Variants in BBS2 observed in about 807,000 individuals in gnomAD.
BBS2 encodes the protein BBSome complex member BBS2.
A neutral mutation model predicts 83.0 loss-of-function variants in BBS2; 62 were observed. The ratio of observed to expected loss-of-function variants is 0.75; its 90% CI spans 0.61 to 0.92. The LOEUF is 0.92. BBS2 is among the 40% of genes least tolerant of loss of function. The pLI, the probability that BBS2 is intolerant of heterozygous loss-of-function variation, is 0.00. For missense variants in BBS2, 784 were observed against 901.0 expected (o/e 0.87, Z 1.66); for synonymous variants, 303 against 326.1 (o/e 0.93, Z 0.76).
At position 56,519,672 on chromosome 16, in the gene BBS2, G is replaced by T. The variant is rs558341798; in HGVS notation, c.117+74C>A. On this transcript the variant is annotated intron_variant, in intron 1 of 16. Transcript: ENST00000245157. The stretch of plus-strand genomic sequence containing the variant: ...GGGGGCGGGGTCGGAGAGGGGACGG[G>T]ATCCCAGGGGCGCGGCCGGCGGAGA... 1.7e-3 allele frequency: 2,189 copies of T among 1,263,154 alleles called. 39 individuals carry two copies. In the South Asian group the frequency reaches 0.026, roughly 15 times the overall value. 78.2% of individuals were successfully genotyped at this position (1,263,154 alleles called of 1,614,324 possible).
downstream of BBS2, among the ~76,000 whole-genome samples, chr16:56,480,106 T>C (rs1320989343): frequency 2.6e-5 from 4 of 152,134 alleles, no homozygotes; most frequent in Non-Finnish European, 5.9e-5. Flanking sequence ...TTTGCATCTT[T>C]GAATAAGAAG....
intron 13 of BBS2, 79 bp from the exon 14 acceptor site, chr16:56,497,959 CA>C: frequency 6.8e-7 from 1 of 1,463,322 alleles, no homozygotes; most frequent in Non-Finnish European, 9.4e-7. Context: ...TGAATTTCCC[CA>C]TACTCAACAA....
rs1964872830 is a variant in BBS2, at chr16:56,519,896, C to A, written c.-34G>T. ...CGGCTTAGGGGAGGAGGGCTGGAAG[C>A]TGGAGACAAGCGCAGCGGAGCTGGC... On this transcript the variant is annotated 5_prime_UTR_variant, in exon 1 of 17. Transcript: ENST00000245157. 1 of 1,568,898 alleles carries A rather than the reference C, an allele frequency of 6.4e-7. No individual in the cohort carries two copies. The highest frequency in any genetic ancestry group is 8.8e-7 in the Non-Finnish European group (1 of 1,139,468).
intron 4 of BBS2, among the ~76,000 whole-genome samples, 175 bp from the exon 5 acceptor site, chr16:56,510,209 C>G (rs1306818143): frequency 6.6e-6 from 1 of 152,186 alleles, no homozygotes. Flanking sequence ...TCAGCAGATT[C>G]AATCAATGAA....
intron 14 of BBS2, 56 bp from the exon 15 acceptor site, chr16:56,497,135 G>A: frequency 8.7e-7 from 1 of 1,150,306 alleles, no homozygotes; most frequent in South Asian, 1.2e-5. Flanking sequence ...CTTGAACCCA[G>A]ACAAATGAAA....
chr16:56,474,317 CTTT>C (rs770427579), intron 17 of BBS2, among the ~76,000 whole-genome samples: 2 of 130,068 alleles, frequency 1.5e-5, no homozygotes, highest in East Asian at 2.2e-4. Context: ...CAAAATTCAA[CTTT>C]TTTTTTTTTT....
At chr16:56,474,917 G>T (rs772689324) in intron 17 of BBS2, 9 of 1,613,796 alleles carry the variant, frequency 5.6e-6, no homozygotes, top group Non-Finnish European at 7.6e-6. Flanking sequence ...GGCTGAATTT[G>T]CCCTAGACTT....
intron 12 of BBS2, chr16:56,498,819 G>A: frequency 2.2e-6 from 2 of 925,626 alleles, no homozygotes; most frequent in Non-Finnish European, 1.5e-6. Flanking sequence ...AATTATGCCT[G>A]GCCCCACAGC....
chr16:56,490,585 G>A (rs1313107198), intron 15 of BBS2, among the ~76,000 whole-genome samples: 1 of 151,530 alleles, frequency 6.6e-6, no homozygotes. Context: ...AGGTTGCAGT[G>A]AGCCGAGATC....
chr16:56,494,718 T>C (rs1181058633), intron 15 of BBS2, among the ~76,000 whole-genome samples: 2 of 152,108 alleles, frequency 1.3e-5, no homozygotes, highest in Non-Finnish European at 1.5e-5. Context: ...ATCCCAGCAC[T>C]TTGGGAGGCT....
Position 56,472,667 on chromosome 16 carries a change from T to C in BBS2, c.*1-1972A>G, listed in dbSNP as rs559637770. On this transcript the variant is annotated intron_variant, in intron 17 of 17. Coordinates refer to the BBS2 transcript ENST00000682047. The stretch of plus-strand genomic sequence containing the variant: ...AAAAAGGAAAATAATAATCTACAAG[T>C]GGCCATATTAGCATTTGGAATATAT... Among the ~76,000 whole-genome samples, 62 of 152,336 alleles carry C rather than the reference T, an allele frequency of 4.1e-4. 1 individual carries two copies. The highest frequency in any genetic ancestry group is 1.5e-3 in the African/African-American group (62 of 41,582).
At chr16:56,470,529 G>A (rs768062295) in exon 18 of BBS2, 5 of 1,613,828 alleles carry the variant, frequency 3.1e-6, no homozygotes, top group East Asian at 2.2e-5. Context: ...CTGAGATATT[G>A]AAGGAGTGCA....
chr16:56,488,257 G>A (rs963628455), intron 15 of BBS2, among the ~76,000 whole-genome samples: 2 of 152,098 alleles, frequency 1.3e-5, no homozygotes, highest in Non-Finnish European at 2.9e-5. Flanking sequence ...CTCCAATTCC[G>A]TTCCGACACG....
chr16:56,510,383 A>G (rs1214386600), intron 4 of BBS2, among the ~76,000 whole-genome samples: 2 of 152,180 alleles, frequency 1.3e-5, no homozygotes, highest in Non-Finnish European at 2.9e-5. Flanking sequence ...CATGGACAAG[A>G]GAGGGGCAAG....
intron 1 of BBS2, 33 bp from the exon 2 acceptor site, chr16:56,514,713 A>C (rs766805418): frequency 6.8e-7 from 1 of 1,478,274 alleles, no homozygotes; most frequent in African/African-American, 1.4e-5. Context: ...CATTCCCTTA[A>C]AATATAAAAA....
intron 2 of BBS2, 110 bp from the exon 3 acceptor site, chr16:56,511,394 T>C (rs1964572975): frequency 2.7e-6 from 4 of 1,460,998 alleles, no homozygotes; most frequent in Non-Finnish European, 3.8e-6. Context: ...AAACAGATTA[T>C]TATCCATAAT....
intron 13 of BBS2, 51 bp from the exon 14 acceptor site, chr16:56,497,931 C>CT: frequency 6.3e-7 from 1 of 1,584,704 alleles, no homozygotes; most frequent in Non-Finnish European, 8.6e-7. Flanking sequence ...GTTAGACAAA[C>CT]TTAGCTAAAA....
In BBS2 at chr16:56,484,549, T is replaced by C. The variant is rs1963722761; in HGVS notation, c.*212A>G. The C allele has an allele frequency of 2.0e-6, 1 of 503,872 alleles. No individual in the cohort carries two copies. Among genetic ancestry groups the C allele is most frequent in the Non-Finnish European group, 3.6e-6 (1 of 277,966 alleles). The allele number at this position is 503,872 out of a possible 1,614,324, so 31.2% of individuals were successfully genotyped here. ...GCATTCATCCTATTCCATAAAAACC[T>C]AGTATTATTCAGCAACAGTACTACT... On this transcript the variant is annotated 3_prime_UTR_variant, in exon 17 of 17. Transcript: ENST00000245157.
downstream of BBS2, among the ~76,000 whole-genome samples, chr16:56,479,845 T>TG (rs1468556967): frequency 1.3e-5 from 2 of 152,236 alleles, no homozygotes; most frequent in African/African-American, 4.8e-5. Flanking sequence ...TTCAGCAGAA[T>TG]GCCCACACCA....
Sources: gnomAD v4.1 joint callset for allele counts (sites outside exome capture counted in the v4.1 genomes callset) on GRCh38, gnomAD v4.1.1 for gene constraint, MANE v1.5 for transcripts, NCBI Gene and HGNC (gene_info 2026-07-23, HGNC 2026-07-21) for gene names.